The following CELF2 variants were observed in gnomAD, a reference collection of about 807,000 sequenced individuals.
CELF2 encodes the protein CUGBP Elav-like family member 2.
Under a neutral mutation model 62.6 loss-of-function variants are expected in CELF2, and 8 were observed. That is an observed-to-expected ratio of 0.13 (90% confidence interval 0.07 to 0.23). The LOEUF (loss-of-function observed/expected upper bound fraction) is 0.23, where lower values mean the gene tolerates loss of function less well. Ranked by LOEUF, CELF2 falls within the 10% of genes least tolerant of loss-of-function variation. CELF2 has a pLI of 1.00. For synonymous variants in CELF2, 258 were observed against 250.0 expected (o/e 1.03, Z -0.30); for missense variants, 333 against 671.0 (o/e 0.50, Z 5.56).
intron 1 of CELF2, among the ~76,000 whole-genome samples, chr10:11,033,973 C>G (rs1367599391): frequency 6.6e-6 from 1 of 152,152 alleles, no homozygotes; most frequent in Non-Finnish European, 1.5e-5. Flanking sequence ...TCTGAAATGT[C>G]TGCCAGTGAA....
the CELF2 span, among the ~76,000 whole-genome samples, chr10:10,580,624 T>C: frequency 2.5e-4 from 38 of 152,294 alleles, no homozygotes; most frequent in African/African-American, 8.2e-4. Context: ...ACCCACAATT[T>C]TGAAAGTTCC....
chr10:10,743,448 A>G, the CELF2 span, among the ~76,000 whole-genome samples: 2 of 152,218 alleles, frequency 1.3e-5, no homozygotes, highest in Non-Finnish European at 2.9e-5. Context: ...GAATAGCTCT[A>G]ATCTCTAAAT....
chr10:11,336,271 A>T lies in CELF2; in HGVS notation c.*7218A>T, dbSNP rs560291205. The T allele has an allele frequency of 5.2e-5, 8 of 152,644 alleles. No homozygotes were observed. Among genetic ancestry groups the T allele is most frequent in the Non-Finnish European group, 1.0e-4 (7 of 68,044 alleles). 9.5% of individuals were successfully genotyped at this position (152,644 alleles called of 1,614,324 possible). ...CTTATCAGGAATCGACTGTTCTGCT[A>T]ATTTGCTGTTGTTGTTTTTCATCTC... On this transcript the variant is annotated 3_prime_UTR_variant, in exon 13 of 13. Coordinates refer to ENST00000633077, the MANE Select transcript of CELF2 (RefSeq NM_001326342.2). The surrounding 1 kb of genome is among the most constrained non-coding windows in gnomAD (Gnocchi z 5.4).
intron 1 of CELF2, among the ~76,000 whole-genome samples, chr10:11,094,046 C>T (rs1300973033): frequency 6.6e-6 from 1 of 152,180 alleles, no homozygotes; most frequent in African/African-American, 2.4e-5. Context: ...CTCGGAGATT[C>T]AATGTCCACA....
rs2091887472 is a variant in CELF2 at position 11,288,500 on chromosome 10, T to A, written c.924T>A (p.Asn308Lys). 1 of 1,613,842 alleles carries A rather than the reference T, an allele frequency of 6.2e-7. No individual in the cohort carries two copies. Among genetic ancestry groups the A allele is most frequent in the Non-Finnish European group, 8.5e-7 (1 of 1,180,038 alleles). ...CCCAGACCTCAGCCACCAGCACCAATGCAAACCCTCTCTCTACCACGAGCA... is the reference window on the plus strand; with the variant it reads ...CCCAGACCTCAGCCACCAGCACCAAAGCAAACCCTCTCTCTACCACGAGCA... ...AAAQTSATST[N>K]ANPLSTTSSA... The change falls in exon 9 of 13, where the codon AAT becomes AAA. Residue 308 changes from asparagine (N) to lysine (K), a missense_variant. Transcript: ENST00000633077.
At chr10:11,092,306 A>G (rs543969650) in intron 1 of CELF2, 6 of 152,322 alleles carry the variant, frequency 3.9e-5, no homozygotes, top group Admixed American at 2.0e-4. Context: ...CTTTATTAGA[A>G]TAATGATGGT....
chr10:10,646,959 C>T, the CELF2 span, among the ~76,000 whole-genome samples: 1 of 152,204 alleles, frequency 6.6e-6, no homozygotes, highest in African/African-American at 2.4e-5. Context: ...TGCCACTCCC[C>T]TGCTAGCCTA....
chr10:10,901,187 G>A (rs775221193), intron 1 of CELF2, among the ~76,000 whole-genome samples: 2 of 152,218 alleles, frequency 1.3e-5, no homozygotes, highest in South Asian at 2.1e-4. Context: ...TAAAATTCAT[G>A]TGGACACAGG....
chr10:10,824,087 A>G (rs2057192410), intron 1 of CELF2, among the ~76,000 whole-genome samples: 1 of 152,190 alleles, frequency 6.6e-6, no homozygotes, highest in Admixed American at 6.5e-5. Flanking sequence ...GCTGCAACTG[A>G]GAGATAAAAG....
At chr10:10,769,125 T>C in the CELF2 span, among the ~76,000 whole-genome samples, 1 of 152,178 alleles carries the variant, frequency 6.6e-6, no homozygotes, top group Admixed American at 6.5e-5. Flanking sequence ...AGATATTTAT[T>C]ATATGCTTTT....
chr10:10,802,481 C>CA (rs1564641042), intron 1 of CELF2, among the ~76,000 whole-genome samples: 1 of 151,672 alleles, frequency 6.6e-6, no homozygotes, highest in African/African-American at 2.4e-5. Context: ...AACAAACAAA[C>CA]AAAAAAAGAA....
At chr10:11,043,156 T>C (rs993660025) in intron 1 of CELF2, among the ~76,000 whole-genome samples, 5 of 152,220 alleles carry the variant, frequency 3.3e-5, no homozygotes, top group Admixed American at 3.3e-4. Context: ...TGCTGCATCC[T>C]TGGCAACAGT....
intron 2 of CELF2, among the ~76,000 whole-genome samples, chr10:11,213,445 A>T (rs370421693): frequency 6.6e-6 from 1 of 152,208 alleles, no homozygotes; most frequent in East Asian, 1.9e-4. Flanking sequence ...GTTAGGGCTG[A>T]CAAGAAAGAA....
At chr10:10,702,784 C>T in the CELF2 span, among the ~76,000 whole-genome samples, 1 of 152,206 alleles carries the variant, frequency 6.6e-6, no homozygotes, top group Non-Finnish European at 1.5e-5. Context: ...CGGGTTTTCG[C>T]CATGTTGGCC....
At chr10:10,535,288 C>T in the CELF2 span, among the ~76,000 whole-genome samples, 3 of 152,146 alleles carry the variant, frequency 2.0e-5, no homozygotes, top group South Asian at 2.1e-4. Context: ...GAAGTCAGAA[C>T]GTGTAGTATC....
At chr10:10,976,802 CT>C (rs1564296907) in intron 2 of CELF2, among the ~76,000 whole-genome samples, 1 of 152,178 alleles carries the variant, frequency 6.6e-6, no homozygotes, top group East Asian at 1.9e-4. Flanking sequence ...GAAATTTCCC[CT>C]CTCTTCCCTC....
intron 3 of CELF2, among the ~76,000 whole-genome samples, chr10:11,228,661 G>A (rs943786127): frequency 2.0e-5 from 3 of 148,696 alleles, no homozygotes; most frequent in Non-Finnish European, 4.4e-5. Flanking sequence ...CTAGTTCTTT[G>A]GTGTCTTCTG....
At chr10:10,925,016 A>G (rs1019668264) in intron 2 of CELF2, 1 of 152,194 alleles carries the variant, frequency 6.6e-6, no homozygotes, top group African/African-American at 2.4e-5. Flanking sequence ...TCCAGCTGAC[A>G]ATATTTCTCA....
At chr10:10,628,599 G>T in the CELF2 span, among the ~76,000 whole-genome samples, 11 of 152,168 alleles carry the variant, frequency 7.2e-5, no homozygotes, top group Non-Finnish European at 1.3e-4. Context: ...CTTCATCCAT[G>T]TCCCTACAAA....
Sources: allele counts gnomAD v4.1 joint callset (sites outside exome capture counted in the v4.1 genomes callset), GRCh38; gene constraint gnomAD v4.1.1; non-coding constraint Gnocchi (gnomAD v3.1); transcripts MANE v1.5; gene names NCBI Gene and HGNC (gene_info 2026-07-23, HGNC 2026-07-21).